DAB1: variants seen among roughly 807,000 people sequenced by gnomAD.
DAB1 encodes disabled homolog 1.
A neutral mutation model predicts 64.6 loss-of-function variants in DAB1; 15 were observed. That is an observed-to-expected ratio of 0.23 (90% confidence interval 0.16 to 0.36). DAB1 has a LOEUF of 0.36. Among genes scored for constraint, DAB1 ranks in the 10% least tolerant of loss-of-function variants. The probability of loss-of-function intolerance (pLI) is 1.00; values close to 1 mark genes in which losing one functional copy is unlikely to be tolerated. For synonymous variants in DAB1, 235 were observed against 251.9 expected, an observed-to-expected ratio of 0.93 and a Z score of 0.64; for missense variants, 596 against 706.7, an observed-to-expected ratio of 0.84 and a Z score of 1.78.
chr1:58,329,828 A>C (rs943894918), intron 4 of DAB1, among the ~76,000 whole-genome samples: 7 of 152,116 alleles, frequency 4.6e-5, no homozygotes, highest in Non-Finnish European at 1.0e-4. Flanking sequence ...CTTAATCCAT[A>C]AATATGCGTA....
chr1:57,567,205 G>T (rs1645133723), intron 7 of DAB1, among the ~76,000 whole-genome samples: 2 of 152,222 alleles, frequency 1.3e-5, no homozygotes, highest in Admixed American at 1.3e-4. Flanking sequence ...ATGCAGAAAA[G>T]GCCTTTGACA....
chr1:57,237,776 G>T (rs1172165244), intron 2 of DAB1, among the ~76,000 whole-genome samples: 2 of 152,194 alleles, frequency 1.3e-5, no homozygotes, highest in Admixed American at 1.3e-4. Context: ...ATTCTGAGAG[G>T]TTTGCACTTG....
chr1:57,267,311 C>A (rs79035575), intron 2 of DAB1, among the ~76,000 whole-genome samples: 4,776 of 151,864 alleles, frequency 0.031, 74 homozygotes, highest in Non-Finnish European at 0.038. Context: ...GGACTTCTGG[C>A]CTCCAGAACG....
At chr1:58,123,890 G>C (rs1652899643) in intron 5 of DAB1, among the ~76,000 whole-genome samples, 1 of 152,106 alleles carries the variant, frequency 6.6e-6, no homozygotes, top group African/African-American at 2.4e-5. Context: ...GGAAGACAGA[G>C]GTTTGAAGCC....
At chr1:57,180,269 T>C (rs777380400) in intron 2 of DAB1, among the ~76,000 whole-genome samples, 1 of 152,190 alleles carries the variant, frequency 6.6e-6, no homozygotes, top group Non-Finnish European at 1.5e-5. Flanking sequence ...CCTTCTAACT[T>C]GCTTTTCTCC....
At chr1:58,247,415 A>C (rs1178370900) in intron 4 of DAB1, among the ~76,000 whole-genome samples, 2 of 152,142 alleles carry the variant, frequency 1.3e-5, no homozygotes, top group East Asian at 3.9e-4. Flanking sequence ...ACTTGACCCA[A>C]GCAAGAGCAC....
At chr1:57,179,777 A>G (rs1341768248) in intron 2 of DAB1, among the ~76,000 whole-genome samples, 1 of 152,198 alleles carries the variant, frequency 6.6e-6, no homozygotes, top group Non-Finnish European at 1.5e-5. Flanking sequence ...ATGATTAGCT[A>G]TTGAATTGAA....
chr1:58,341,467 T>C (rs1643932893), intron 4 of DAB1, among the ~76,000 whole-genome samples: 1 of 152,182 alleles, frequency 6.6e-6, no homozygotes, highest in East Asian at 1.9e-4. Context: ...TATTTTAAAC[T>C]GGAAAGAACC....
At chr1:57,901,627 C>A (rs1644475398) in intron 5 of DAB1, among the ~76,000 whole-genome samples, 1 of 152,090 alleles carries the variant, frequency 6.6e-6, no homozygotes, top group South Asian at 2.1e-4. Flanking sequence ...GAAAAGGGGC[C>A]TAGATACAGG....
At chr1:57,648,391 G>A (rs1275680035) in intron 7 of DAB1, among the ~76,000 whole-genome samples, 1 of 152,096 alleles carries the variant, frequency 6.6e-6, no homozygotes, top group Non-Finnish European at 1.5e-5. Context: ...ATGTCAATAA[G>A]CCACCAACGA....
At chr1:58,141,295 C>T (rs1023773391) in intron 5 of DAB1, among the ~76,000 whole-genome samples, 1 of 152,138 alleles carries the variant, frequency 6.6e-6, no homozygotes, top group African/African-American at 2.4e-5. Flanking sequence ...TATGAAGTCA[C>T]CTCTTACATG....
At position 58,518,354 on chromosome 1, in the gene DAB1, G is replaced by GGAAGA. The variant is rs1646205552; in HGVS notation, n.107+8906_107+8907insTCTTC. On this transcript the variant is annotated intron_variant and non_coding_transcript_variant, in intron 2 of 20. Transcript: ENST00000485760. ...AGAAGAGAAGAGAAGAGAAGAGAAG[G>GGAAGA]GAAGGGAAGAGAAGAGAAGGGAAGA... Among the ~76,000 whole-genome samples, 3 of 32,434 alleles carry GGAAGA rather than the reference G, an allele frequency of 9.2e-5. 1 individual carries two copies. Among genetic ancestry groups the GGAAGA allele is most frequent in the South Asian group, 1.7e-3 (1 of 592 alleles). 21.3% of individuals were successfully genotyped at this position (32,434 alleles called of 152,430 possible). A position where few individuals can be genotyped will look rare whatever the true frequency, so the allele number is the denominator to read the frequency against.
chr1:58,321,741 G>A (rs1662687928), intron 4 of DAB1, among the ~76,000 whole-genome samples: 1 of 152,264 alleles, frequency 6.6e-6, no homozygotes, highest in Non-Finnish European at 1.5e-5. Flanking sequence ...GCTTGAGTAG[G>A]TAAACAAAGT....
At chr1:57,559,290 T>C (rs551612421) in intron 7 of DAB1, among the ~76,000 whole-genome samples, 1 of 152,282 alleles carries the variant, frequency 6.6e-6, no homozygotes, top group African/African-American at 2.4e-5. Flanking sequence ...GTTTGAATGA[T>C]AAAAACAGGA....
intron 7 of DAB1, among the ~76,000 whole-genome samples, chr1:57,568,569 C>G (rs149693611): frequency 0.038 from 5,727 of 152,178 alleles, 170 homozygotes; most frequent in Non-Finnish European, 0.056. Context: ...AGAACTCAAA[C>G]AAACTTACAA....
chr1:57,548,076 A>G (rs1037498143), intron 7 of DAB1, among the ~76,000 whole-genome samples: 6 of 152,154 alleles, frequency 3.9e-5, no homozygotes, highest in Admixed American at 6.6e-5. Context: ...ATCTGTGTCT[A>G]TAATAGGTTA....
At chr1:57,200,616 T>A (rs148515736) in intron 2 of DAB1, among the ~76,000 whole-genome samples, 95 of 152,254 alleles carry the variant, frequency 6.2e-4, no homozygotes, top group African/African-American at 1.7e-3. Context: ...TGAGTTAATG[T>A]ACGTAAAGCC....
At chr1:57,318,828 T>C (rs534476186) in intron 1 of DAB1, among the ~76,000 whole-genome samples, 1 of 151,982 alleles carries the variant, frequency 6.6e-6, no homozygotes. Flanking sequence ...TACGTTGTGG[T>C]TTCACATTTT....
chr1:57,080,756 GCACA>G (rs71801142), intron 4 of DAB1, among the ~76,000 whole-genome samples: 12 of 143,374 alleles, frequency 8.4e-5, no homozygotes, highest in East Asian at 2.0e-4. Context: ...ACACACACAC[GCACA>G]CACACACACA....
Sources: allele counts gnomAD v4.1 joint callset (sites outside exome capture counted in the v4.1 genomes callset), GRCh38; gene constraint gnomAD v4.1.1; transcripts MANE v1.5; gene names NCBI Gene and HGNC (gene_info 2026-07-23, HGNC 2026-07-21).